Variants in FHIT observed in about 807,000 individuals in gnomAD.
FHIT encodes the protein bis(5'-adenosyl)-triphosphatase.
A neutral mutation model predicts 17.9 loss-of-function variants in FHIT; 19 were observed. That is an observed-to-expected ratio of 1.06 (90% CI 0.74 to 1.56). The LOEUF (loss-of-function observed/expected upper bound fraction) is 1.56, where lower values mean the gene tolerates loss of function less well. Ranked by LOEUF, FHIT falls within the 40% of genes most tolerant of loss-of-function variation. The pLI is 0.00. For synonymous variants in FHIT, 81 were observed against 69.7 expected (o/e 1.16, Z -0.81); for missense variants, 248 against 189.2 (o/e 1.31, Z -1.82).
chr3:60,513,490 C>T (rs1438264504), intron 5 of FHIT, among the ~76,000 whole-genome samples: 1 of 152,130 alleles, frequency 6.6e-6, no homozygotes, highest in Non-Finnish European at 1.5e-5. Context: ...TAATTTTCCC[C>T]TACATAAAAA....
chr3:60,201,446 G>T (rs1346718461), intron 5 of FHIT, among the ~76,000 whole-genome samples: 1 of 151,978 alleles, frequency 6.6e-6, no homozygotes, highest in East Asian at 1.9e-4. Flanking sequence ...CTCCCAAGTA[G>T]AATATCTTAA....
intron 2 of FHIT, among the ~76,000 whole-genome samples, chr3:61,129,916 T>G (rs2036716294): frequency 6.6e-6 from 1 of 152,192 alleles, no homozygotes; most frequent in Non-Finnish European, 1.5e-5. Context: ...CTTTTTCTCC[T>G]GATTGCATGG....
At chr3:60,026,022 G>T (rs956230229) in intron 5 of FHIT, among the ~76,000 whole-genome samples, 2 of 152,034 alleles carry the variant, frequency 1.3e-5, no homozygotes, top group South Asian at 2.1e-4. Flanking sequence ...CCTGTAAAGG[G>T]GGGGAAAGAA....
At chr3:60,662,119 C>G (rs782744515) in intron 4 of FHIT, among the ~76,000 whole-genome samples, 8 of 152,178 alleles carry the variant, frequency 5.3e-5, no homozygotes, top group Non-Finnish European at 1.2e-4. Flanking sequence ...TTTGCCTAAG[C>G]CAATATCTAG....
intron 5 of FHIT, among the ~76,000 whole-genome samples, chr3:60,337,826 A>G (rs1710316246): frequency 6.6e-6 from 1 of 152,192 alleles, no homozygotes; most frequent in Non-Finnish European, 1.5e-5. Context: ...GGGGACTGGA[A>G]TGTCTGAAAA....
chr3:60,772,759 A>G (rs1700087989), intron 4 of FHIT, among the ~76,000 whole-genome samples: 2 of 152,150 alleles, frequency 1.3e-5, no homozygotes, highest in Non-Finnish European at 2.9e-5. Context: ...TTACTCCTGC[A>G]GGCAACATCA....
chr3:60,253,861 A>C lies in FHIT; in HGVS notation c.104-239709T>G, dbSNP rs73832561. ...CACAGGAAATTTCTGAATATTACCA[A>C]GAATTAAATATATTTGATTGTTATA... On this transcript the variant is annotated intron_variant, in intron 5 of 9. Coordinates refer to ENST00000492590, the MANE Select transcript of FHIT (RefSeq NM_002012.4). Among the ~76,000 whole-genome samples the C allele has an allele frequency of 9.4e-3, 1,437 of 152,344 alleles. 17 individuals carry two copies. Among genetic ancestry groups the C allele is most frequent in the African/African-American group, 0.032 (1,336 of 41,576 alleles).
chr3:59,832,466 C>A (rs1431105360), intron 8 of FHIT, among the ~76,000 whole-genome samples: 1 of 152,154 alleles, frequency 6.6e-6, no homozygotes, highest in Non-Finnish European at 1.5e-5. Context: ...ATGTGACTTT[C>A]TTTGCCCAAA....
chr3:61,057,548 A>G (rs1022711037), intron 2 of FHIT, among the ~76,000 whole-genome samples: 1 of 152,232 alleles, frequency 6.6e-6, no homozygotes, highest in Admixed American at 6.5e-5. Flanking sequence ...CACAAATCAG[A>G]TATACCTAAT....
chr3:60,364,597 G>A (rs765356677), intron 5 of FHIT, among the ~76,000 whole-genome samples: 16 of 152,170 alleles, frequency 1.1e-4, no homozygotes, highest in Non-Finnish European at 1.8e-4. Flanking sequence ...ATTCCATTGA[G>A]CAACACAGAA....
Position 60,417,262 on chromosome 3 carries a change from T to C in FHIT, c.103+119598A>G, listed in dbSNP as rs181141077. Among the ~76,000 whole-genome samples, 575 of 152,244 alleles carry C rather than the reference T, an allele frequency of 3.8e-3. 1 individual carries two copies. Among genetic ancestry groups the C allele is most frequent in the Admixed American group, 7.8e-3 (120 of 15,288 alleles). On this transcript the variant is annotated intron_variant, in intron 5 of 9. Transcript: ENST00000492590. ...CAATTGTAAGAGATACTCAAGAAAC[T>C]TCATGGTGAAAAAGCAAGTTGCAAC...
intron 5 of FHIT, among the ~76,000 whole-genome samples, chr3:60,019,430 TTTC>T: frequency 6.7e-6 from 1 of 149,918 alleles, no homozygotes; most frequent in Non-Finnish European, 1.5e-5. Context: ...TTTTTTTTTT[TTTC>T]CTGAGATGGA....
intron 4 of FHIT, among the ~76,000 whole-genome samples, chr3:60,555,879 A>C (rs890291481): frequency 2.0e-5 from 3 of 152,208 alleles, no homozygotes; most frequent in Non-Finnish European, 4.4e-5. Context: ...AGCTTTCTGC[A>C]GGAGAGCTGG....
chr3:60,829,883 CT>C (rs1358064697), intron 3 of FHIT, among the ~76,000 whole-genome samples: 2 of 143,922 alleles, frequency 1.4e-5, no homozygotes, highest in Non-Finnish European at 3.1e-5. Flanking sequence ...GAGAAGTTAC[CT>C]TTTTGTAAAA....
chr3:60,905,157 A>G (rs1206071428), intron 3 of FHIT, among the ~76,000 whole-genome samples: 1 of 152,180 alleles, frequency 6.6e-6, no homozygotes, highest in Non-Finnish European at 1.5e-5. Context: ...TGTGGTGTAC[A>G]CAGGAACCCT....
intron 8 of FHIT, among the ~76,000 whole-genome samples, chr3:59,862,925 C>T (rs1029812760): frequency 1.3e-5 from 2 of 152,102 alleles, no homozygotes; most frequent in African/African-American, 2.4e-5. Flanking sequence ...AGGATGTGGG[C>T]TGGGAGATTA....
intron 3 of FHIT, among the ~76,000 whole-genome samples, chr3:60,846,663 G>C (rs1702936176): frequency 6.6e-6 from 1 of 152,128 alleles, no homozygotes; most frequent in African/African-American, 2.4e-5. Flanking sequence ...TAAGAAACTA[G>C]CAAATCTCCA....
intron 5 of FHIT, among the ~76,000 whole-genome samples, chr3:60,249,721 C>CACACACACACACAT (rs1553723139): frequency 6.6e-6 from 1 of 150,896 alleles, no homozygotes. Context: ...CACACACACA[C>CACACACACACACAT]GGGAGAAGGG....
At chr3:60,017,924 C>G (rs6804301) in intron 5 of FHIT, among the ~76,000 whole-genome samples, 71,188 of 152,042 alleles carry the variant, frequency 0.47, 17,402 homozygotes, top group East Asian at 0.79. Context: ...GTTTTGCTCT[C>G]TGGCTTTCCC....
Sources: allele counts gnomAD v4.1 joint callset (sites outside exome capture counted in the v4.1 genomes callset), GRCh38; gene constraint gnomAD v4.1.1; transcripts MANE v1.5; gene names NCBI Gene and HGNC (gene_info 2026-07-23, HGNC 2026-07-21).